Variants in CRYL1 observed in about 807,000 individuals in gnomAD.
CRYL1 encodes crystallin lambda 1, also known as lambda-crystallin homolog.
Under a neutral mutation model 36.6 loss-of-function variants are expected in CRYL1, and 29 were observed. The observed-to-expected ratio is 0.79, with a 90% confidence interval of 0.59 to 1.08. CRYL1 has a LOEUF of 1.08. CRYL1 is among the 50% of genes least tolerant of loss of function. CRYL1 has a pLI of 0.00. For missense variants in CRYL1, 411 were observed against 407.9 expected, an observed-to-expected ratio of 1.01 and a Z score of -0.06; for synonymous variants, 152 against 151.5, an observed-to-expected ratio of 1.00 and a Z score of -0.02.
chr13:20,446,181 G>A (rs2032451000), intron 3 of CRYL1, among the ~76,000 whole-genome samples: 1 of 152,048 alleles, frequency 6.6e-6, no homozygotes, highest in Non-Finnish European at 1.5e-5. Context: ...GCACAATCTT[G>A]GCTCACAGCA....
At chr13:20,491,227 GGAAA>G (rs982806031) in intron 2 of CRYL1, among the ~76,000 whole-genome samples, 2 of 152,052 alleles carry the variant, frequency 1.3e-5, no homozygotes, top group African/African-American at 4.8e-5. Context: ...TTAAAAGGAA[GGAAA>G]GAATCTTTGA....
chr13:20,466,458 G>C (rs994238803), intron 3 of CRYL1, among the ~76,000 whole-genome samples: 1 of 152,184 alleles, frequency 6.6e-6, no homozygotes, highest in African/African-American at 2.4e-5. Flanking sequence ...ACCATTAAAA[G>C]ATTTTGTTTA....
intron 3 of CRYL1, among the ~76,000 whole-genome samples, chr13:20,470,910 C>CAAAAAAAAAAAAAAACAAAAAAA (rs2033039968): frequency 2.4e-5 from 1 of 40,906 alleles, no homozygotes; most frequent in African/African-American, 8.7e-5. Flanking sequence ...AACTCCATCT[C>CAAAAAAAAAAAAAAACAAAAAAA]AAAAAAAAAA....
At chr13:20,512,572 G>C (rs774818673) in intron 1 of CRYL1, 22 bp from the exon 2 acceptor site, 33 of 1,566,044 alleles carry the variant, frequency 2.1e-5, no homozygotes, top group Middle Eastern at 1.7e-4. Flanking sequence ...TAAAAGAAAG[G>C]ATTCGAGTTA....
chr13:20,450,584 G>A (rs1364656793), intron 3 of CRYL1, among the ~76,000 whole-genome samples: 3 of 152,192 alleles, frequency 2.0e-5, no homozygotes, highest in Non-Finnish European at 4.4e-5. Flanking sequence ...AGGATGTGGG[G>A]AAATAGGAAC....
At chr13:20,465,998 T>C (rs189975479) in intron 3 of CRYL1, among the ~76,000 whole-genome samples, 2 of 150,390 alleles carry the variant, frequency 1.3e-5, no homozygotes, top group African/African-American at 4.9e-5. Context: ...CACCATGTGA[T>C]CTCTACACAC....
At chr13:20,458,974 G>A (rs1299084109) in intron 3 of CRYL1, among the ~76,000 whole-genome samples, 2 of 152,310 alleles carry the variant, frequency 1.3e-5, no homozygotes, top group African/African-American at 4.8e-5. Context: ...CAGCCACCAC[G>A]CCTGTAATCC....
At chr13:20,492,349 C>T (rs2033528577) in intron 2 of CRYL1, among the ~76,000 whole-genome samples, 1 of 152,188 alleles carries the variant, frequency 6.6e-6, no homozygotes, top group South Asian at 2.1e-4. Flanking sequence ...GCATTAATAT[C>T]TTATTGCTAC....
At chr13:20,440,340 T>A (rs1024005430) in intron 3 of CRYL1, among the ~76,000 whole-genome samples, 7 of 152,242 alleles carry the variant, frequency 4.6e-5, no homozygotes, top group Non-Finnish European at 1.0e-4. Context: ...CATGAAACTT[T>A]CCGTAGGTGA....
chr13:20,435,718 C>G lies in CRYL1; in HGVS notation c.439-3422G>C, dbSNP rs535111016. ...GCGCAGGGGCCTGGGCCTGCGCAGGCCGGCGGAGCACAAGGGACGCATTCT... is the reference window on the plus strand; with the variant it reads ...GCGCAGGGGCCTGGGCCTGCGCAGGGCGGCGGAGCACAAGGGACGCATTCT... On this transcript the variant is annotated intron_variant, in intron 4 of 7. Transcript: ENST00000298248. The surrounding 1 kb of genome is among the most constrained non-coding windows in gnomAD (Gnocchi z 4.0). Among the ~76,000 whole-genome samples, 2 of 152,220 alleles carry G rather than the reference C, an allele frequency of 1.3e-5. No individual in the cohort carries two copies. The highest frequency in any genetic ancestry group is 2.9e-5 in the Non-Finnish European group (2 of 68,034).
At chr13:20,501,725 A>G (rs2033707573) in intron 2 of CRYL1, among the ~76,000 whole-genome samples, 1 of 152,212 alleles carries the variant, frequency 6.6e-6, no homozygotes, top group African/African-American at 2.4e-5. Flanking sequence ...TAGAAAGGCC[A>G]GGGATTGCTT....
At chr13:20,505,748 C>T (rs1278187413) in intron 2 of CRYL1, among the ~76,000 whole-genome samples, 1 of 152,100 alleles carries the variant, frequency 6.6e-6, no homozygotes, top group Non-Finnish European at 1.5e-5. Context: ...TATTTGGACC[C>T]AAAAGTCAAT....
At chr13:20,487,718 G>A (rs2033428596) in intron 3 of CRYL1, among the ~76,000 whole-genome samples, 1 of 152,030 alleles carries the variant, frequency 6.6e-6, no homozygotes, top group Admixed American at 6.6e-5. Context: ...GGCGGAGGTT[G>A]CAATGAGCCA....
chr13:20,494,022 G>A (rs1025119071), intron 2 of CRYL1, among the ~76,000 whole-genome samples: 1 of 152,204 alleles, frequency 6.6e-6, no homozygotes, highest in African/African-American at 2.4e-5. Flanking sequence ...TAGCCTGAAA[G>A]GGCCTAGCGC....
At chr13:20,522,100 A>G (rs1204264211) in intron 1 of CRYL1, among the ~76,000 whole-genome samples, 1 of 152,214 alleles carries the variant, frequency 6.6e-6, no homozygotes, top group Non-Finnish European at 1.5e-5. Context: ...CTGTAATCTC[A>G]GCACTTTGGG....
At chr13:20,434,157 G>T (rs1377008083) in intron 4 of CRYL1, among the ~76,000 whole-genome samples, 1 of 152,196 alleles carries the variant, frequency 6.6e-6, no homozygotes, top group Non-Finnish European at 1.5e-5. Flanking sequence ...AGTACCAGGA[G>T]AAATGTTCCT....
At chr13:20,468,074 C>A (rs2032979018) in intron 3 of CRYL1, among the ~76,000 whole-genome samples, 1 of 152,160 alleles carries the variant, frequency 6.6e-6, no homozygotes. Context: ...CTCCCCCAAC[C>A]CCCACCTGGC....
At chr13:20,507,488 G>C (rs868018105) in intron 2 of CRYL1, among the ~76,000 whole-genome samples, 1 of 152,192 alleles carries the variant, frequency 6.6e-6, no homozygotes, top group African/African-American at 2.4e-5. Flanking sequence ...CTTAAAGCAT[G>C]ACCTAATCAG....
chr13:20,420,130 T>C (rs1314815343), intron 5 of CRYL1, among the ~76,000 whole-genome samples: 1 of 152,194 alleles, frequency 6.6e-6, no homozygotes, highest in Non-Finnish European at 1.5e-5. Flanking sequence ...TTGCTAACGC[T>C]ACAAGGGTTG....
Sources: gnomAD v4.1 joint callset for allele counts (sites outside exome capture counted in the v4.1 genomes callset) on GRCh38, gnomAD v4.1.1 for gene constraint, Gnocchi (gnomAD v3.1) non-coding constraint, MANE v1.5 for transcripts, NCBI Gene and HGNC (gene_info 2026-07-23, HGNC 2026-07-21) for gene names.